Variants in SNX16 observed in about 807,000 individuals in gnomAD.
SNX16 encodes the protein sorting nexin-16.
Under a neutral mutation model 36.7 loss-of-function variants are expected in SNX16, and 35 were observed. That is an observed-to-expected ratio of 0.95 (90% CI 0.73 to 1.27). The LOEUF (loss-of-function observed/expected upper bound fraction) is 1.27, where lower values mean the gene tolerates loss of function less well. Among genes scored for constraint, SNX16 ranks in the 50% most tolerant of loss-of-function variants. The probability of loss-of-function intolerance (pLI) is 0.00; values close to 1 mark genes in which losing one functional copy is unlikely to be tolerated. For missense variants in SNX16, 367 were observed against 393.6 expected, an observed-to-expected ratio of 0.93 and a Z score of 0.57; for synonymous variants, 134 against 132.0, an observed-to-expected ratio of 1.02 and a Z score of -0.10.
At chr8:81,816,512 C>A (rs1466213234) in intron 4 of SNX16, among the ~76,000 whole-genome samples, 1 of 151,752 alleles carries the variant, frequency 6.6e-6, no homozygotes, top group Admixed American at 6.6e-5. Flanking sequence ...TCTTGATACA[C>A]TACAAAAAGG....
intron 4 of SNX16, among the ~76,000 whole-genome samples, chr8:81,821,703 T>C (rs1810752700): frequency 6.6e-6 from 1 of 151,138 alleles, no homozygotes; most frequent in Non-Finnish European, 1.5e-5. Flanking sequence ...TGGCTTCAAT[T>C]TTTTTTTTCT....
intron 3 of SNX16, among the ~76,000 whole-genome samples, chr8:81,825,569 T>C (rs988179552): frequency 1.3e-5 from 2 of 152,246 alleles, no homozygotes; most frequent in Non-Finnish European, 2.9e-5. Flanking sequence ...TTATTATGCA[T>C]GCCTTAGTCA....
chr8:81,819,399 T>C (rs1304203818), intron 4 of SNX16, among the ~76,000 whole-genome samples: 1 of 152,142 alleles, frequency 6.6e-6, no homozygotes, highest in Non-Finnish European at 1.5e-5. Flanking sequence ...CTGTACCTTC[T>C]TGCTTCTGCA....
At chr8:81,816,176 A>ATTTTCT (rs1554545054) in intron 4 of SNX16, among the ~76,000 whole-genome samples, 6 of 127,142 alleles carry the variant, frequency 4.7e-5, no homozygotes, top group African/African-American at 1.6e-4. Flanking sequence ...TTTACAAAGG[A>ATTTTCT]TTTTCTTTTT....
Position 81,816,732 on chromosome 8 carries a change from C to T in SNX16, c.612-1338G>A, listed in dbSNP as rs868182739. 6.6e-5 allele frequency among the ~76,000 whole-genome samples: 10 copies of T among 152,150 alleles called. No individual in the cohort carries two copies. In the Middle Eastern group the frequency reaches 0.01, roughly 155 times the overall value. ...TTGGATCTTCATTCACAAATGATACCGAATTTCAGAGAGGTGAAATTACTT... is the reference window on the plus strand; with the variant it reads ...TTGGATCTTCATTCACAAATGATACTGAATTTCAGAGAGGTGAAATTACTT... On this transcript the variant is annotated intron_variant, in intron 4 of 7. Coordinates refer to ENST00000345957, the MANE Select transcript of SNX16 (RefSeq NM_152836.3).
In SNX16 at chr8:81,802,594, G is replaced by T; in HGVS notation, c.819-95C>A. ...CAGGTAGCTATAGCAGTCTTTAGCT[G>T]TTAAGCCTTAATGTAGTTACATAGC... On this transcript the variant is annotated intron_variant, in intron 6 of 7. Coordinates refer to ENST00000345957, the MANE Select transcript of SNX16 (RefSeq NM_152836.3). The T allele has an allele frequency of 4.8e-6, 5 of 1,041,934 alleles. No homozygotes were observed. The South Asian group carries it at 7.0e-5, about 15-fold the overall frequency. The allele number at this position is 1,041,934 out of a possible 1,614,324, so 64.5% of individuals were successfully genotyped here.
rs57725537 is a variant in SNX16, at chr8:81,815,142, G to T, written c.681+183C>A. On this transcript the variant is annotated intron_variant, in intron 5 of 7. Coordinates refer to ENST00000345957, the MANE Select transcript of SNX16 (RefSeq NM_152836.3). ...ATATATGAATTTTTACTTTTTCACT[G>T]AGCTAAGTCTATGTATTTCACTGAA... The T allele has an allele frequency of 1.1e-5, 4 of 376,094 alleles. No individual in the cohort carries two copies. In the Admixed American group the frequency reaches 1.6e-4, roughly 15 times the overall value. 23.3% of individuals were successfully genotyped at this position (376,094 alleles called of 1,614,324 possible).
Position 81,809,494 on chromosome 8 carries a change from A to G in SNX16, c.681+5831T>C, listed in dbSNP as rs184039085. On this transcript the variant is annotated intron_variant, in intron 5 of 7. Coordinates refer to ENST00000345957, the MANE Select transcript of SNX16 (RefSeq NM_152836.3). ...AAAAGTTTACACTTATTAGAAGGAA[A>G]TTTAGGAGAAATATTTTTATGTGCT... 5.3e-5 allele frequency among the ~76,000 whole-genome samples: 8 copies of G among 152,298 alleles called. No individual in the cohort carries two copies. The East Asian group carries it at 1.3e-3, about 26-fold the overall frequency.
chr8:81,838,690 T>G (rs556208046), intron 2 of SNX16, among the ~76,000 whole-genome samples: 1 of 150,438 alleles, frequency 6.6e-6, no homozygotes, highest in Non-Finnish European at 1.5e-5. Context: ...GAAGAAAACA[T>G]AGGACAGTAT....
At chr8:81,810,300 A>G (rs1810177007) in intron 5 of SNX16, among the ~76,000 whole-genome samples, 1 of 152,160 alleles carries the variant, frequency 6.6e-6, no homozygotes, top group Non-Finnish European at 1.5e-5. Context: ...TGAGGGGTAG[A>G]AATGACTACC....
chr8:81,809,361 C>T (rs143280225), intron 5 of SNX16, among the ~76,000 whole-genome samples: 28 of 151,428 alleles, frequency 1.8e-4, no homozygotes, highest in Non-Finnish European at 3.5e-4. Flanking sequence ...AGTAATGGTA[C>T]CAGATAAAAT....
At chr8:81,804,016 G>T (rs1809826174) in intron 5 of SNX16, among the ~76,000 whole-genome samples, 1 of 151,640 alleles carries the variant, frequency 6.6e-6, no homozygotes, top group Non-Finnish European at 1.5e-5. Context: ...AAATCAAATA[G>T]ATCTCTAAAA....
Position 81,808,635 on chromosome 8 carries a change from C to G in SNX16, c.682-5407G>C, listed in dbSNP as rs1810081956. 3 of 936,250 alleles carry G rather than the reference C, an allele frequency of 3.2e-6. No homozygotes were observed. In the South Asian group the frequency reaches 3.9e-5, roughly 12 times the overall value. The allele number at this position is 936,250 out of a possible 1,614,324, so 58.0% of individuals were successfully genotyped here. On this transcript the variant is annotated intron_variant, in intron 5 of 7. Coordinates refer to ENST00000345957, the MANE Select transcript of SNX16 (RefSeq NM_152836.3). ...CTTTGGAGGCAGAAGCTCTGGCCCCCATGGTGGTGGAGGCCAATACTTTGC... is the reference window on the plus strand; with the variant it reads ...CTTTGGAGGCAGAAGCTCTGGCCCCGATGGTGGTGGAGGCCAATACTTTGC...
At chr8:81,828,965 C>T (rs191829094) in intron 3 of SNX16, among the ~76,000 whole-genome samples, 155 of 152,256 alleles carry the variant, frequency 1.0e-3, no homozygotes, top group African/African-American at 3.6e-3. Flanking sequence ...CCTCCAGAGC[C>T]TCCAGATAAG....
intron 4 of SNX16, among the ~76,000 whole-genome samples, chr8:81,820,884 G>T (rs560909328): frequency 5.8e-4 from 87 of 151,262 alleles, no homozygotes; most frequent in Non-Finnish European, 1.0e-3. Flanking sequence ...CATAAGATTT[G>T]CTCTGTATGA....
intron 2 of SNX16, among the ~76,000 whole-genome samples, chr8:81,838,560 AT>A (rs1811598037): frequency 6.7e-6 from 1 of 149,654 alleles, no homozygotes; most frequent in Non-Finnish European, 1.5e-5. Flanking sequence ...AGCCTGATTA[AT>A]TGGTCCCATC....
intron 2 of SNX16, among the ~76,000 whole-genome samples, chr8:81,831,992 A>G (rs1203239623): frequency 6.6e-6 from 1 of 152,224 alleles, no homozygotes; most frequent in Admixed American, 6.5e-5. Flanking sequence ...GCAACTGTGG[A>G]AAGCAGTTTG....
intron 5 of SNX16, among the ~76,000 whole-genome samples, chr8:81,810,876 A>C (rs774468): frequency 0.25 from 37,725 of 152,042 alleles, 5,233 homozygotes; most frequent in East Asian, 0.37. Flanking sequence ...ATGCCGATAG[A>C]GTGTATGAGA....
At position 81,800,373 on chromosome 8, in the gene SNX16, A is replaced by G. The variant is rs1385504939; in HGVS notation, c.*1124T>C. On this transcript the variant is annotated 3_prime_UTR_variant, in exon 8 of 8. Coordinates refer to ENST00000345957, the MANE Select transcript of SNX16 (RefSeq NM_152836.3). ...ATGACTGTACACAAAGCTGAAATAA[A>G]CAAACATTTTTTCATAAAGCTGACT... The G allele has an allele frequency of 6.6e-6, 1 of 152,184 alleles. No individual in the cohort carries two copies. Among genetic ancestry groups the G allele is most frequent in the Non-Finnish European group, 1.5e-5 (1 of 67,760 alleles). The allele number at this position is 152,184 out of a possible 1,614,324, so 9.4% of individuals were successfully genotyped here. A position where few individuals can be genotyped will look rare whatever the true frequency, so the allele number is the denominator to read the frequency against.
Sources: allele counts gnomAD v4.1 joint callset (sites outside exome capture counted in the v4.1 genomes callset), GRCh38; gene constraint gnomAD v4.1.1; transcripts MANE v1.5; gene names NCBI Gene and HGNC (gene_info 2026-07-23, HGNC 2026-07-21).